Variants in PCDHA3 observed in about 807,000 individuals in gnomAD.
PCDHA3 encodes the protein protocadherin alpha 3.
A neutral mutation model predicts 62.2 loss-of-function variants in PCDHA3; 41 were observed. The observed-to-expected ratio is 0.66, with a 90% CI of 0.51 to 0.86. The LOEUF (loss-of-function observed/expected upper bound fraction) is 0.86, where lower values mean the gene tolerates loss of function less well. Ranked by LOEUF, PCDHA3 falls within the 40% of genes least tolerant of loss-of-function variation. PCDHA3 has a pLI of 0.00. For missense variants in PCDHA3, 1,304 were observed against 1,241.2 expected, an observed-to-expected ratio of 1.05 and a Z score of -0.76; for synonymous variants, 640 against 555.4, an observed-to-expected ratio of 1.15 and a Z score of -2.14.
At chr5:140,836,793 TCTC>T in intron 1 of PCDHA3, 5 of 1,403,902 alleles carry the variant, frequency 3.6e-6, no homozygotes, top group Non-Finnish European at 4.9e-6. Context: ...GTTCAATTGG[TCTC>T]CTTAAATTTT....
At chr5:140,852,796 T>C in intron 1 of PCDHA3, 4 of 976,920 alleles carry the variant, frequency 4.1e-6, no homozygotes, top group Non-Finnish European at 4.9e-6. Context: ...ATGCTACAGA[T>C]GTCATTTGTC....
intron 1 of PCDHA3, among the ~76,000 whole-genome samples, chr5:140,976,116 A>G (rs781948908): frequency 1.2e-4 from 18 of 152,224 alleles, no homozygotes; most frequent in Non-Finnish European, 2.6e-4. Flanking sequence ...AATTTTTCCA[A>G]GTTTAATCAA....
chr5:140,819,898 T>A (rs1766647840), intron 1 of PCDHA3, among the ~76,000 whole-genome samples: 1 of 152,042 alleles, frequency 6.6e-6, no homozygotes, highest in African/African-American at 2.4e-5. Context: ...CTCTGCAGAT[T>A]ACAATGTACA....
intron 1 of PCDHA3, chr5:140,807,442 T>G: frequency 6.2e-7 from 1 of 1,603,674 alleles, no homozygotes; most frequent in Non-Finnish European, 8.5e-7. Context: ...GCATTTTGTT[T>G]GTGAATTCTC....
chr5:140,802,529 G>A lies in PCDHA3; in HGVS notation c.1332G>A (p.Glu444=). The A allele has an allele frequency of 1.2e-6, 2 of 1,614,208 alleles. No individual in the cohort carries two copies. Among genetic ancestry groups the A allele is most frequent in the Non-Finnish European group, 1.7e-6 (2 of 1,180,056 alleles). ...GGGCCACGGCCAGCGTGTCCGTGGA[G>A]GTGGCCGACGTGAACGACAATGCGC... ...SLWATASVSV[E]VADVNDNAPA... The change falls in exon 1 of 4, where the codon GAG becomes GAA. Residue 444 remains glutamate (E), a synonymous_variant. Coordinates refer to ENST00000522353, the MANE Select transcript of PCDHA3 (RefSeq NM_018906.3).
chr5:140,824,361 G>A (rs1296667094), intron 1 of PCDHA3: 22 of 575,078 alleles, frequency 3.8e-5, no homozygotes, highest in Non-Finnish European at 6.6e-5. Flanking sequence ...TTTTATATTA[G>A]CATTTGAATT....
intron 1 of PCDHA3, among the ~76,000 whole-genome samples, chr5:140,806,428 A>T (rs1040644619): frequency 1.3e-5 from 2 of 152,234 alleles, no homozygotes. Context: ...ATTATTTGGA[A>T]TGCTTTTCCA....
intron 1 of PCDHA3, chr5:140,813,284 A>T (rs1332732538): frequency 6.6e-6 from 1 of 152,192 alleles, no homozygotes; most frequent in South Asian, 2.1e-4. Context: ...TGAGAATTGT[A>T]TCATTCTGAG....
chr5:140,858,809 A>G (rs2045602165), intron 1 of PCDHA3: 1 of 352,582 alleles, frequency 2.8e-6, no homozygotes, highest in African/African-American at 2.2e-5. Flanking sequence ...CTAAATTTTG[A>G]TTTGATTGTA....
rs562721543 is a variant in PCDHA3, at chr5:140,968,426, A to G, written c.2395-10523A>G. ...CTTTGTGACTGTGGAGGCTCAGGAC[A>G]AGGGGAGCCCACCACTGAGCAGCAC... On this transcript the variant is annotated intron_variant, in intron 1 of 3. Transcript: ENST00000522353. 135 of 1,614,020 alleles carry G rather than the reference A, an allele frequency of 8.4e-5. 2 individuals carry two copies. In the South Asian group the frequency reaches 1.4e-3, roughly 16 times the overall value.
intron 1 of PCDHA3, among the ~76,000 whole-genome samples, chr5:140,827,687 G>T (rs2150148764): frequency 6.6e-6 from 1 of 152,200 alleles, no homozygotes; most frequent in South Asian, 2.1e-4. Context: ...TTGCTGAACT[G>T]GTTGATATTA....
chr5:140,835,137 C>T, intron 1 of PCDHA3: 3 of 1,385,246 alleles, frequency 2.2e-6, no homozygotes, highest in South Asian at 2.7e-5. Context: ...GGTGAAATTA[C>T]CAGAAAACGT....
intron 1 of PCDHA3, chr5:140,836,195 C>T (rs1554135720): frequency 3.7e-6 from 6 of 1,613,858 alleles, no homozygotes; most frequent in African/African-American, 1.3e-5. Flanking sequence ...CAGGCTACAA[C>T]GCGTGGCTTT....
chr5:140,889,509 C>T (rs2062255316), intron 1 of PCDHA3, among the ~76,000 whole-genome samples: 2 of 152,026 alleles, frequency 1.3e-5, no homozygotes, highest in Admixed American at 6.6e-5. Flanking sequence ...ATTTCCCTTT[C>T]CATTCTTGAT....
chr5:141,006,207 T>C (rs1434083054), intron 3 of PCDHA3, among the ~76,000 whole-genome samples: 4 of 150,998 alleles, frequency 2.6e-5, no homozygotes, highest in Non-Finnish European at 5.9e-5. Context: ...TTATGCCTCA[T>C]TTTTTTTTAA....
chr5:140,990,184 A>G lies in PCDHA3; in HGVS notation c.2542+7621A>G, dbSNP rs1230599539. 1.3e-5 allele frequency among the ~76,000 whole-genome samples: 2 copies of G among 152,158 alleles called. 1 individual carries two copies. The highest frequency in any genetic ancestry group is 2.9e-5 in the Non-Finnish European group (2 of 68,034). ...GGGTATGAAAAGGTGACTTTTAAGA[A>G]CCAAATGTGGACCCGAAAGAGAACA... is the stretch of plus-strand genomic sequence containing the variant. On this transcript the variant is annotated intron_variant, in intron 3 of 3. Transcript: ENST00000522353.
At chr5:140,848,979 A>G in intron 1 of PCDHA3, 1 of 1,599,958 alleles carries the variant, frequency 6.3e-7, no homozygotes, top group Non-Finnish European at 8.5e-7. Flanking sequence ...CGATGCAGAT[A>G]TCGGGGAGAA....
At chr5:140,884,432 C>T (rs782413139) in intron 1 of PCDHA3, 2 of 1,613,880 alleles carry the variant, frequency 1.2e-6, no homozygotes, top group East Asian at 4.5e-5. Flanking sequence ...TACTGCGCTG[C>T]GGTGCTCGGC....
rs781795094 is a variant in PCDHA3, at chr5:140,802,730, C to A, written c.1533C>A (p.His511Gln). ...ERALSSYVSVHAESGKVYALQ... is the reference protein window; with the variant it reads ...ERALSSYVSVQAESGKVYALQ... The stretch of plus-strand genomic sequence containing the variant: ...CGCTGTCGAGCTACGTGTCGGTACA[C>A]GCGGAGAGCGGCAAGGTGTACGCGC... Residue 511 changes from histidine (H) to glutamine (Q), a missense_variant, in exon 1 of 4, where the codon CAC becomes CAA. His to Gln is a conservative substitution (Grantham distance 24). Transcript: ENST00000522353. The A allele has an allele frequency of 6.2e-6, 10 of 1,612,594 alleles. No homozygotes were observed. Among genetic ancestry groups the A allele is most frequent in the African/African-American group, 1.3e-5 (1 of 75,030 alleles).
Sources: allele counts gnomAD v4.1 joint callset (sites outside exome capture counted in the v4.1 genomes callset), GRCh38; gene constraint gnomAD v4.1.1; transcripts MANE v1.5; gene names NCBI Gene and HGNC (gene_info 2026-07-23, HGNC 2026-07-21).